AFG2A: variants seen among roughly 807,000 people sequenced by gnomAD.
The protein encoded by AFG2A is AAA ATPase AFG2A, also known as ATPase family gene 2 protein homolog A.
chr4:122,945,976 G>C, the AFG2A span, among the ~76,000 whole-genome samples: 4 of 151,902 alleles, frequency 2.6e-5, no homozygotes, highest in Non-Finnish European at 5.9e-5. Context: ...ACAGTACCTA[G>C]GAGTGATTTT....
At chr4:123,056,572 C>A in the AFG2A span, 3 of 525,706 alleles carry the variant, frequency 5.7e-6, no homozygotes, top group Non-Finnish European at 9.1e-6. Flanking sequence ...TTTTTTTCTT[C>A]AGGTAAATAT....
the AFG2A span, among the ~76,000 whole-genome samples, chr4:123,095,038 A>AT: frequency 3.7e-5 from 1 of 26,792 alleles, no homozygotes; most frequent in Non-Finnish European, 1.4e-4. Context: ...CACAAAAAAA[A>AT]AAAAATATAT....
the AFG2A span, chr4:122,927,563 T>C: frequency 6.8e-7 from 1 of 1,472,780 alleles, no homozygotes; most frequent in Non-Finnish European, 9.2e-7. Flanking sequence ...TATTTTTATT[T>C]ACTGCAAAAG....
the AFG2A span, among the ~76,000 whole-genome samples, chr4:123,054,419 T>C: frequency 1.5e-4 from 1 of 6,624 alleles, no homozygotes; most frequent in Admixed American, 2.2e-3. Flanking sequence ...TGAGCATCCT[T>C]TTTTTTTTTT....
At chr4:123,121,718 A>C in the AFG2A span, among the ~76,000 whole-genome samples, 4 of 152,328 alleles carry the variant, frequency 2.6e-5, no homozygotes, top group African/African-American at 9.6e-5. Context: ...TGATGTTTGC[A>C]CAATGACAAA....
At chr4:123,230,786 A>G in the AFG2A span, among the ~76,000 whole-genome samples, 1 of 151,986 alleles carries the variant, frequency 6.6e-6, no homozygotes, top group Non-Finnish European at 1.5e-5. Flanking sequence ...TTAATTCATG[A>G]GTTGCAGAAT....
the AFG2A span, among the ~76,000 whole-genome samples, chr4:123,156,759 TAAA>T: frequency 2.2e-3 from 292 of 134,784 alleles, no homozygotes; most frequent in South Asian, 6.3e-3. Context: ...TTAAGAAGAT[TAAA>T]AAAAAAAAAA....
At chr4:123,090,122 A>G in the AFG2A span, among the ~76,000 whole-genome samples, 1 of 152,200 alleles carries the variant, frequency 6.6e-6, no homozygotes. Context: ...GAAATATCCT[A>G]GTTGCTGTGG....
At chr4:122,972,823 G>A in the AFG2A span, among the ~76,000 whole-genome samples, 8 of 152,108 alleles carry the variant, frequency 5.3e-5, no homozygotes, top group South Asian at 1.7e-3. Flanking sequence ...ATGGAGAGTT[G>A]CTTTGTGTCC....
At chr4:123,268,141 A>G in the AFG2A span, among the ~76,000 whole-genome samples, 1 of 151,968 alleles carries the variant, frequency 6.6e-6, no homozygotes, top group Non-Finnish European at 1.5e-5. Context: ...CTAATATTTG[A>G]AAAAAGCTAA....
chr4:122,947,152 T>C, the AFG2A span: 2 of 1,370,996 alleles, frequency 1.5e-6, no homozygotes, highest in African/African-American at 2.9e-5. Context: ...TTCATCCTTG[T>C]CTATACAGCC....
chr4:123,257,929 G>A, the AFG2A span, among the ~76,000 whole-genome samples: 3 of 152,138 alleles, frequency 2.0e-5, no homozygotes, highest in Non-Finnish European at 4.4e-5. Flanking sequence ...ACCTCATTTG[G>A]TGCCAGCAAT....
the AFG2A span, among the ~76,000 whole-genome samples, chr4:123,241,154 CA>C: frequency 6.6e-6 from 1 of 151,804 alleles, no homozygotes. Context: ...GCCTACCAAC[CA>C]AAAAAGTCCA....
At chr4:122,973,203 A>G in the AFG2A span, among the ~76,000 whole-genome samples, 126,415 of 152,056 alleles carry the variant, frequency 0.83, 53,701 homozygotes, top group East Asian at 0.96. Flanking sequence ...ATATAGGTGC[A>G]CTGTTATCCT....
the AFG2A span, among the ~76,000 whole-genome samples, chr4:122,956,741 A>G: frequency 1.3e-5 from 2 of 152,180 alleles, no homozygotes; most frequent in African/African-American, 4.8e-5. Flanking sequence ...GTTTTTAAAA[A>G]GATTAGTGTT....
chr4:123,131,284 A>G, the AFG2A span, among the ~76,000 whole-genome samples: 1 of 152,142 alleles, frequency 6.6e-6, no homozygotes, highest in East Asian at 1.9e-4. Flanking sequence ...CTTATGTATA[A>G]TGTCTCCTAT....
the AFG2A span, among the ~76,000 whole-genome samples, chr4:123,114,995 C>T: frequency 6.6e-6 from 1 of 152,206 alleles, no homozygotes; most frequent in Non-Finnish European, 1.5e-5. Flanking sequence ...GTCCTGCTAC[C>T]TGTGCGAGGG....
At chr4:123,162,375 G>A in the AFG2A span, among the ~76,000 whole-genome samples, 1 of 152,166 alleles carries the variant, frequency 6.6e-6, no homozygotes, top group East Asian at 1.9e-4. Flanking sequence ...ATTATAGTGG[G>A]CCATCTGTCA....
At chr4:123,319,102 C>G in the AFG2A span, 1 of 151,968 alleles carries the variant, frequency 6.6e-6, no homozygotes, top group Non-Finnish European at 1.5e-5. Flanking sequence ...TAACTTATCT[C>G]GATAAATATT....
Sources: gnomAD v4.1 joint callset for allele counts (sites outside exome capture counted in the v4.1 genomes callset) on GRCh38, gnomAD v4.1.1 for gene constraint, MANE v1.5 for transcripts, NCBI Gene and HGNC (gene_info 2026-07-23, HGNC 2026-07-21) for gene names.